Variants in PLCH1 observed in about 807,000 individuals in gnomAD.
PLCH1 encodes the protein 1-phosphatidylinositol 4,5-bisphosphate phosphodiesterase eta-1.
PLCH1 carries 60 observed loss-of-function variants against 126.7 expected under a neutral mutation model. The observed-to-expected ratio is 0.47, with a 90% CI of 0.38 to 0.59. The LOEUF is 0.59. Ranked by LOEUF, PLCH1 falls within the 20% of genes least tolerant of loss-of-function variation. PLCH1 has a pLI of 0.00. For synonymous variants in PLCH1, 719 were observed against 734.9 expected, an observed-to-expected ratio of 0.98 and a Z score of 0.35; for missense variants, 1,723 against 2,040.0, an observed-to-expected ratio of 0.84 and a Z score of 2.99.
At position 155,500,800 on chromosome 3, in the gene PLCH1, A is replaced by G; in HGVS notation, c.1705-6T>C. On this transcript the variant is annotated splice_polypyrimidine_tract_variant and splice_region_variant and intron_variant, in intron 13 of 22. Transcript: ENST00000460012. The stretch of plus-strand genomic sequence containing the variant: ...GACCGTGATTTTGTAGTTTTCTGCC[A>G]GAAAAATCAAAACAAACTTAACAAA... 2.5e-6 allele frequency: 4 copies of G among 1,584,804 alleles called. No individual in the cohort carries two copies. The highest frequency in any genetic ancestry group is 3.5e-6 in the Non-Finnish European group (4 of 1,153,656).
intron 2 of PLCH1, among the ~76,000 whole-genome samples, chr3:155,679,370 G>A (rs1744333276): frequency 6.6e-6 from 1 of 152,134 alleles, no homozygotes; most frequent in Non-Finnish European, 1.5e-5. Flanking sequence ...ATCCTCCCCT[G>A]GCAATGGCAG....
intron 2 of PLCH1, 82 bp from the exon 3 acceptor site, chr3:155,596,460 C>T: frequency 2.6e-6 from 3 of 1,175,214 alleles, no homozygotes; most frequent in Non-Finnish European, 3.6e-6. Context: ...CAAATAAAAC[C>T]TCTGATTCAC....
chr3:155,626,289 A>C (rs1737237866), intron 2 of PLCH1, among the ~76,000 whole-genome samples: 1 of 152,172 alleles, frequency 6.6e-6, no homozygotes, highest in African/African-American at 2.4e-5. Context: ...GGACACTGGA[A>C]GGGTGTCTCA....
intron 21 of PLCH1, among the ~76,000 whole-genome samples, chr3:155,470,612 G>T (rs535202019): frequency 5.1e-4 from 77 of 152,182 alleles, no homozygotes; most frequent in Non-Finnish European, 7.8e-4. Context: ...GCAACTCCAA[G>T]ACACATAATT....
chr3:155,704,673 C>G (rs1746520190), intron 1 of PLCH1, among the ~76,000 whole-genome samples: 1 of 152,184 alleles, frequency 6.6e-6, no homozygotes, highest in Admixed American at 6.5e-5. Context: ...AGGAACGAAG[C>G]TATCATTCCC....
At chr3:155,573,996 C>A (rs530554202) in intron 6 of PLCH1, among the ~76,000 whole-genome samples, 1 of 152,204 alleles carries the variant, frequency 6.6e-6, no homozygotes, top group South Asian at 2.1e-4. Flanking sequence ...CAAATGCAAC[C>A]TCCACCTCCA....
chr3:155,569,283 TG>T lies in PLCH1; in HGVS notation c.772-960del, dbSNP rs1011948387. 9.2e-5 allele frequency among the ~76,000 whole-genome samples: 14 copies of T among 152,324 alleles called. 1 individual carries two copies. The highest frequency in any genetic ancestry group is 3.1e-4 in the African/African-American group (13 of 41,588). ...GAATAATTATAGAGGAAGCTAATTT[TG>T]TGAGCTAGTATTTCATATTTTAATT... On this transcript the variant is annotated intron_variant, in intron 6 of 22. Coordinates refer to ENST00000460012, the MANE Select transcript of PLCH1 (RefSeq NM_014996.4).
At chr3:155,593,706 G>A (rs547306100) in intron 4 of PLCH1, among the ~76,000 whole-genome samples, 3 of 152,178 alleles carry the variant, frequency 2.0e-5, no homozygotes, top group Admixed American at 6.5e-5. Flanking sequence ...AGCTAGATTC[G>A]GTCTCTTTAA....
intron 8 of PLCH1, among the ~76,000 whole-genome samples, chr3:155,556,003 G>A (rs1726771619): frequency 6.6e-6 from 1 of 152,178 alleles, no homozygotes; most frequent in Non-Finnish European, 1.5e-5. Flanking sequence ...AAACTAAAAT[G>A]TCTAGATTTT....
Position 155,481,915 on chromosome 3 carries a change from C to T in PLCH1, c.4111G>A (p.Glu1371Lys), listed in dbSNP as rs758127954. ...GGAGAAGCAAGTTGACTTGTGCCCT[C>T]TCTCCTATATTCACAGGTTGTTAGA... ...LSLTTCEYRR[E>K]GTSQLASPLK... is the part of the protein sequence containing the mutation. Residue 1371 changes from glutamate to lysine, a missense_variant, in exon 23 of 23, where the codon GAG becomes AAG. Glu to Lys is a moderately conservative substitution (Grantham distance 56, BLOSUM62 1). Transcript: ENST00000460012. The surrounding 1 kb of genome is among the most constrained non-coding windows in gnomAD (Gnocchi z 4.2). 1 of 1,614,174 alleles carries T rather than the reference C, an allele frequency of 6.2e-7. No homozygotes were observed. The highest frequency in any genetic ancestry group is 1.1e-5 in the South Asian group (1 of 91,082).
chr3:155,618,448 T>A (rs1441061391), intron 2 of PLCH1, among the ~76,000 whole-genome samples: 1 of 152,190 alleles, frequency 6.6e-6, no homozygotes, highest in Non-Finnish European at 1.5e-5. Context: ...CTTCTGTAAC[T>A]AAGACGTTTT....
chr3:155,736,970 C>T (rs1391661247), intron 1 of PLCH1, among the ~76,000 whole-genome samples: 1 of 151,944 alleles, frequency 6.6e-6, no homozygotes, highest in African/African-American at 2.4e-5. Flanking sequence ...TGGCTCATGC[C>T]TGTAACCTCA....
chr3:155,644,112 C>T (rs1477224021), intron 2 of PLCH1, among the ~76,000 whole-genome samples: 11 of 152,158 alleles, frequency 7.2e-5, no homozygotes. Context: ...GGTATACATA[C>T]AGAGGCAGTA....
At chr3:155,602,315 G>A (rs1733844096) in intron 2 of PLCH1, among the ~76,000 whole-genome samples, 2 of 151,958 alleles carry the variant, frequency 1.3e-5, no homozygotes, top group Non-Finnish European at 2.9e-5. Flanking sequence ...AACCCAAGAA[G>A]GATAAATCAG....
intron 21 of PLCH1, among the ~76,000 whole-genome samples, chr3:155,472,235 A>T (rs1713294161): frequency 6.6e-6 from 1 of 152,068 alleles, no homozygotes; most frequent in South Asian, 2.1e-4. Context: ...ATAAAAAATG[A>T]TAAAGGGGAT....
chr3:155,690,993 C>G (rs921715503), intron 2 of PLCH1, among the ~76,000 whole-genome samples: 2 of 152,192 alleles, frequency 1.3e-5, no homozygotes, highest in African/African-American at 4.8e-5. Flanking sequence ...CCACACTCAG[C>G]CTAAGGGCAA....
chr3:155,571,725 T>C (rs1729253227), intron 6 of PLCH1, among the ~76,000 whole-genome samples: 1 of 152,208 alleles, frequency 6.6e-6, no homozygotes, highest in Admixed American at 6.5e-5. Context: ...TTATTGTATT[T>C]ATAATGCTAT....
intron 10 of PLCH1, among the ~76,000 whole-genome samples, chr3:155,541,601 T>C (rs926524834): frequency 6.6e-6 from 1 of 152,134 alleles, no homozygotes; most frequent in Non-Finnish European, 1.5e-5. Flanking sequence ...CCATCTTATA[T>C]AGGCAGGGAT....
At chr3:155,508,618 GT>G (rs1225516765) in intron 12 of PLCH1, among the ~76,000 whole-genome samples, 1 of 132,944 alleles carries the variant, frequency 7.5e-6, no homozygotes, top group Non-Finnish European at 1.6e-5. Context: ...TAATCATGTG[GT>G]TTTTGTCTTT....
Sources: gnomAD v4.1 joint callset for allele counts (sites outside exome capture counted in the v4.1 genomes callset) on GRCh38, gnomAD v4.1.1 for gene constraint, Gnocchi (gnomAD v3.1) non-coding constraint, MANE v1.5 for transcripts, NCBI Gene and HGNC (gene_info 2026-07-23, HGNC 2026-07-21) for gene names.